Variants in ABCA1 observed in about 807,000 individuals in gnomAD.
ABCA1 encodes ATP binding cassette subfamily A member 1.
ABCA1 carries 133 observed loss-of-function variants against 262.5 expected under a neutral mutation model. The observed-to-expected ratio is 0.51, with a 90% CI of 0.44 to 0.59. The LOEUF is 0.59. ABCA1 is among the 20% of genes least tolerant of loss of function. The pLI is 0.00. For missense variants in ABCA1, 2,452 were observed against 2,777.5 expected (o/e 0.88, Z 2.63); for synonymous variants, 1,022 against 1,043.5 (o/e 0.98, Z 0.40).
At chr9:104,797,198 T>C (rs4149324) in intron 37 of ABCA1, among the ~76,000 whole-genome samples, 9,005 of 152,300 alleles carry the variant, frequency 0.059, 408 homozygotes, top group East Asian at 0.24. Context: ...TGACCTTTCA[T>C]CTCTGAATCA....
intron 29 of ABCA1, 50 bp downstream of exon 29, chr9:104,810,750 T>A: frequency 6.2e-7 from 1 of 1,613,846 alleles, no homozygotes; most frequent in Non-Finnish European, 8.5e-7. Flanking sequence ...GTAAACATCT[T>A]TGGTCTGCTC....
In ABCA1 at chr9:104,790,909, C is replaced by T; in HGVS notation, c.5927+13G>A. On this transcript the variant is annotated intron_variant, in intron 44 of 49. Transcript: ENST00000374736. Reference sequence around the variant, plus strand: ...AGTCTTTGCAGCAAAATACAAGCCACTTCTTTTCTCACCTATTTTTGTTAA... The same window carrying T: ...AGTCTTTGCAGCAAAATACAAGCCATTTCTTTTCTCACCTATTTTTGTTAA... 1 of 1,566,614 alleles carries T rather than the reference C, an allele frequency of 6.4e-7. No homozygotes were observed. The highest frequency in any genetic ancestry group is 8.8e-7 in the Non-Finnish European group (1 of 1,136,814).
At chr9:104,917,863 T>C (rs1464485433) in intron 1 of ABCA1, among the ~76,000 whole-genome samples, 5 of 152,242 alleles carry the variant, frequency 3.3e-5, no homozygotes, top group African/African-American at 1.2e-4. Flanking sequence ...GCTGGGGCCT[T>C]TGGGAACCAA....
At chr9:104,919,153 C>A (rs1483456056) in intron 1 of ABCA1, among the ~76,000 whole-genome samples, 1 of 152,154 alleles carries the variant, frequency 6.6e-6, no homozygotes, top group Non-Finnish European at 1.5e-5. Flanking sequence ...CGACCTACCC[C>A]CAGTGAGGGT....
chr9:104,886,215 C>G (rs1839159109), intron 3 of ABCA1, among the ~76,000 whole-genome samples: 1 of 152,172 alleles, frequency 6.6e-6, no homozygotes, highest in African/African-American at 2.4e-5. Flanking sequence ...TCACAGCTAC[C>G]ACCTCCCTCC....
intron 7 of ABCA1, among the ~76,000 whole-genome samples, chr9:104,856,814 G>A (rs1366512050): frequency 2.0e-5 from 3 of 152,178 alleles, no homozygotes; most frequent in Admixed American, 2.0e-4. Flanking sequence ...ATGCAGTGAA[G>A]CAGCCCAAAA....
intron 1 of ABCA1, among the ~76,000 whole-genome samples, chr9:104,916,600 T>G (rs949749104): frequency 2.6e-5 from 4 of 152,194 alleles, no homozygotes; most frequent in Non-Finnish European, 5.9e-5. Flanking sequence ...AGACTAAGAT[T>G]TTAATTTGCA....
chr9:104,886,065 C>A (rs1016296501), intron 3 of ABCA1, among the ~76,000 whole-genome samples: 1 of 152,164 alleles, frequency 6.6e-6, no homozygotes, highest in Non-Finnish European at 1.5e-5. Context: ...TGAGACCTTG[C>A]AGGCAAAGCG....
rs749033378 is a variant in ABCA1, at chr9:104,799,915, G to A, written c.4847C>T (p.Ala1616Val). Reference sequence around the variant, plus strand: ...AGGGTTCTCTCCCTTTTGCAGGTTGGCCCGGAGAATGGCATTGTTGATGAC... The same window carrying A: ...AGGGTTCTCTCCCTTTTGCAGGTTGACCCGGAGAATGGCATTGTTGATGAC... ...LNVINNAILRANLQKGENPSH... is the reference protein window; with the variant it reads ...LNVINNAILRVNLQKGENPSH... The change falls in exon 36 of 50, where the codon GCC (alanine) becomes GTC (valine). Residue 1616 changes from alanine to valine, a missense_variant. Physicochemically the swap from Ala to Val is moderately conservative, Grantham distance 64. Transcript: ENST00000374736. 1.2e-6 allele frequency: 2 copies of A among 1,614,098 alleles called. No homozygotes were observed. Among genetic ancestry groups the A allele is most frequent in the Non-Finnish European group, 8.5e-7 (1 of 1,180,028 alleles).
chr9:104,822,556 A>C lies in ABCA1; in HGVS notation c.2768T>G (p.Phe923Cys). 5 of 1,613,970 alleles carry C rather than the reference A, an allele frequency of 3.1e-6. No individual in the cohort carries two copies. Among genetic ancestry groups the C allele is most frequent in the Non-Finnish European group, 4.2e-6 (5 of 1,179,980 alleles). ...GAAGGAGGTGATCTGGCCCTCATAA[A>C]AATTCAGTGCCAGGCCATCGACAGC... ...KVAVDGLALN[F>C]YEGQITSFLG... The change falls in exon 19 of 50, where the codon TTT becomes TGT. Residue 923 changes from phenylalanine (F) to cysteine (C), a missense_variant. Around this residue, in one of 4 missense-constraint regions of ABCA1, gnomAD observed 665 missense variants for 727.3 expected, o/e 0.91. Coordinates refer to ENST00000374736, the MANE Select transcript of ABCA1 (RefSeq NM_005502.4).
intron 5 of ABCA1, among the ~76,000 whole-genome samples, chr9:104,869,274 C>T (rs1837378064): frequency 6.6e-6 from 1 of 151,510 alleles, no homozygotes; most frequent in South Asian, 2.1e-4. Flanking sequence ...ATCACATCAG[C>T]ATCCCAGGCC....
intron 2 of ABCA1, among the ~76,000 whole-genome samples, chr9:104,893,439 A>AAAAAAAAAAAAAAAAAAAAAAAAAAAT: frequency 8.3e-6 from 1 of 120,090 alleles, no homozygotes; most frequent in Non-Finnish European, 1.8e-5. Context: ...AAAAAAAAAA[A>AAAAAAAAAAAAAAAAAAAAAAAAAAAT]AAAAAAAAAA....
chr9:104,883,672 C>T (rs541493095), intron 4 of ABCA1, among the ~76,000 whole-genome samples: 15 of 148,272 alleles, frequency 1.0e-4, no homozygotes, highest in Admixed American at 2.0e-4. Context: ...ATGGAAGGGG[C>T]CCATGGAGGC....
intron 5 of ABCA1, among the ~76,000 whole-genome samples, chr9:104,882,048 A>AAAAAAAAAAAAAAAAAAAAC (rs1838717269): frequency 6.7e-6 from 1 of 150,122 alleles, no homozygotes; most frequent in East Asian, 1.9e-4. Context: ...AAAAAAAAAA[A>AAAAAAAAAAAAAAAAAAAAC]AAAAAAAAAC....
intron 5 of ABCA1, among the ~76,000 whole-genome samples, chr9:104,873,567 G>C (rs1837835297): frequency 6.6e-6 from 1 of 152,182 alleles, no homozygotes; most frequent in South Asian, 2.1e-4. Context: ...GCTCTCTTTA[G>C]GATATAACAA....
intron 7 of ABCA1, chr9:104,855,603 G>GC: frequency 7.3e-7 from 1 of 1,377,950 alleles, no homozygotes; most frequent in Non-Finnish European, 9.6e-7. Flanking sequence ...CCTATTGTGT[G>GC]CCAGGCCCCA....
intron 27 of ABCA1, 52 bp from the exon 28 acceptor site, chr9:104,812,774 T>C (rs1831392463): frequency 4.3e-6 from 7 of 1,610,798 alleles, no homozygotes; most frequent in Non-Finnish European, 5.9e-6. Flanking sequence ...GTTTTCGGCA[T>C]TGCCATGCTC....
At chr9:104,846,888 G>A (rs1834944022) in intron 7 of ABCA1, among the ~76,000 whole-genome samples, 1 of 152,178 alleles carries the variant, frequency 6.6e-6, no homozygotes, top group South Asian at 2.1e-4. Context: ...AACAGGTGAG[G>A]TGTTTTGTTT....
At chr9:104,922,781 G>A (rs1467918622) in intron 1 of ABCA1, among the ~76,000 whole-genome samples, 6 of 151,974 alleles carry the variant, frequency 3.9e-5, no homozygotes, top group Admixed American at 6.6e-5. Context: ...GCACGATCTC[G>A]ACTCAGTGCA....
Sources: allele counts gnomAD v4.1 joint callset (sites outside exome capture counted in the v4.1 genomes callset), GRCh38; gene constraint gnomAD v4.1.1; regional missense constraint gnomAD v4.1.1; transcripts MANE v1.5; gene names NCBI Gene and HGNC (gene_info 2026-07-23, HGNC 2026-07-21).